The following CADPS2 variants were observed in gnomAD, a reference collection of about 807,000 sequenced individuals.
The protein encoded by CADPS2 is calcium-dependent secretion activator 2.
In CADPS2, 93 loss-of-function variants were observed where a neutral mutation model predicts 172.5. That is an observed-to-expected ratio of 0.54 (90% CI 0.46 to 0.64). CADPS2 has a LOEUF of 0.64. Among genes scored for constraint, CADPS2 ranks in the 30% least tolerant of loss-of-function variants. The pLI is 0.00. For missense variants in CADPS2, 1,420 were observed against 1,565.9 expected (o/e 0.91, Z 1.57); for synonymous variants, 546 against 555.2 (o/e 0.98, Z 0.23).
intron 2 of CADPS2, among the ~76,000 whole-genome samples, chr7:122,697,319 A>C (rs190013191): frequency 6.6e-6 from 1 of 152,262 alleles, no homozygotes; most frequent in Non-Finnish European, 1.5e-5. Context: ...CAATAACCTC[A>C]CAACTAAGAC....
chr7:122,755,601 C>A (rs182176328), intron 1 of CADPS2, among the ~76,000 whole-genome samples: 24 of 151,752 alleles, frequency 1.6e-4, no homozygotes, highest in Admixed American at 1.2e-3. Flanking sequence ...AAAATGAATC[C>A]CCAGATGTTA....
chr7:122,494,397 C>T (rs2058568453), intron 9 of CADPS2, among the ~76,000 whole-genome samples: 1 of 152,042 alleles, frequency 6.6e-6, no homozygotes, highest in Non-Finnish European at 1.5e-5. Context: ...TATATTATGG[C>T]ATGACTATAT....
intron 3 of CADPS2, among the ~76,000 whole-genome samples, chr7:122,657,880 C>G (rs983334631): frequency 9.2e-5 from 14 of 152,140 alleles, no homozygotes; most frequent in Non-Finnish European, 1.5e-4. Flanking sequence ...GCATCCCTGT[C>G]TTGTGCCAGT....
intron 28 of CADPS2, among the ~76,000 whole-genome samples, chr7:122,335,183 T>C (rs1447116036): frequency 1.3e-5 from 2 of 152,244 alleles, no homozygotes; most frequent in Non-Finnish European, 2.9e-5. Flanking sequence ...ATGGATATTC[T>C]ACATGAATAA....
intron 1 of CADPS2, among the ~76,000 whole-genome samples, chr7:122,884,602 T>C (rs1360324665): frequency 6.6e-6 from 1 of 151,478 alleles, no homozygotes; most frequent in African/African-American, 2.5e-5. Flanking sequence ...AAATATTCCA[T>C]AAGGATTCCC....
intron 9 of CADPS2, among the ~76,000 whole-genome samples, chr7:122,498,050 C>T (rs1008467375): frequency 5.9e-5 from 9 of 152,112 alleles, no homozygotes; most frequent in Admixed American, 5.9e-4. Context: ...CCTCCTCAAG[C>T]CATTCTTGTG....
chr7:122,869,760 C>A (rs1479333237), intron 1 of CADPS2, among the ~76,000 whole-genome samples: 1 of 151,996 alleles, frequency 6.6e-6, no homozygotes, highest in Non-Finnish European at 1.5e-5. Context: ...AAAGCTAGAG[C>A]TTTAATAATT....
intron 1 of CADPS2, among the ~76,000 whole-genome samples, chr7:122,829,929 TAAG>T (rs1806016417): frequency 1.3e-5 from 2 of 152,026 alleles, no homozygotes; most frequent in African/African-American, 2.4e-5. Context: ...TGATGTCCAG[TAAG>T]AAGAGCAAGA....
Position 122,699,038 on chromosome 7 carries a change from G to A in CADPS2, c.454-35469C>T, listed in dbSNP as rs1162037402. 5 of 682,614 alleles carry A rather than the reference G, an allele frequency of 7.3e-6. No individual in the cohort carries two copies. The Admixed American group carries it at 1.7e-4, about 24-fold the overall frequency. 42.3% of individuals were successfully genotyped at this position (682,614 alleles called of 1,614,324 possible). ...TACAAACAAGATCCACTGTCTTCCAGCATGTTTTTGTAAGAAATTCTTAAA... is the reference window on the plus strand; with the variant it reads ...TACAAACAAGATCCACTGTCTTCCAACATGTTTTTGTAAGAAATTCTTAAA... On this transcript the variant is annotated intron_variant, in intron 2 of 29. Transcript: ENST00000449022.
At chr7:122,339,866 C>CA (rs1354982542) in intron 28 of CADPS2, among the ~76,000 whole-genome samples, 1 of 152,140 alleles carries the variant, frequency 6.6e-6, no homozygotes, top group African/African-American at 2.4e-5. Context: ...GCCTTGGTGA[C>CA]AAGAGTGAAA....
chr7:122,774,609 T>C (rs1391525030), intron 1 of CADPS2, among the ~76,000 whole-genome samples: 2 of 152,174 alleles, frequency 1.3e-5, no homozygotes, highest in Non-Finnish European at 2.9e-5. Context: ...GTACATTTCT[T>C]ATCAATTCTG....
chr7:122,575,284 C>T (rs2067867584), intron 7 of CADPS2, among the ~76,000 whole-genome samples: 1 of 151,772 alleles, frequency 6.6e-6, no homozygotes. Flanking sequence ...GGGGAGAATA[C>T]CAGCTTTTAT....
At chr7:122,786,539 G>C (rs1165299402) in intron 1 of CADPS2, among the ~76,000 whole-genome samples, 3 of 152,130 alleles carry the variant, frequency 2.0e-5, no homozygotes, top group Non-Finnish European at 4.4e-5. Context: ...GAAGAACTTT[G>C]ATATTATAAA....
At chr7:122,865,284 G>C (rs932989709) in intron 1 of CADPS2, among the ~76,000 whole-genome samples, 7 of 152,102 alleles carry the variant, frequency 4.6e-5, no homozygotes, top group Non-Finnish European at 1.0e-4. Flanking sequence ...CTTCTTGTAT[G>C]GTCTGCAGAA....
At chr7:122,607,349 T>C (rs950732958) in intron 6 of CADPS2, among the ~76,000 whole-genome samples, 1 of 152,016 alleles carries the variant, frequency 6.6e-6, no homozygotes, top group Non-Finnish European at 1.5e-5. Flanking sequence ...GAGAGAGAGA[T>C]CCTAGAGTAC....
intron 27 of CADPS2, among the ~76,000 whole-genome samples, chr7:122,353,380 A>C (rs1302813535): frequency 6.6e-6 from 1 of 152,178 alleles, no homozygotes; most frequent in Non-Finnish European, 1.5e-5. Flanking sequence ...GAGAAAGATT[A>C]GCCATCTCCT....
chr7:122,468,033 ACACT>A (rs1373295320), intron 14 of CADPS2, among the ~76,000 whole-genome samples: 1 of 152,114 alleles, frequency 6.6e-6, no homozygotes, highest in South Asian at 2.1e-4. Context: ...TATTTCTGAA[ACACT>A]CAGAGTGCTA....
In CADPS2 at chr7:122,547,360, T is replaced by G. The variant is rs994232857; in HGVS notation, c.1475+7190A>C. 2.0e-5 allele frequency among the ~76,000 whole-genome samples: 3 copies of G among 152,186 alleles called. 1 individual carries two copies. Among genetic ancestry groups the G allele is most frequent in the Non-Finnish European group, 2.9e-5 (2 of 68,024 alleles). On this transcript the variant is annotated intron_variant, in intron 8 of 29. Coordinates refer to ENST00000449022, the MANE Select transcript of CADPS2 (RefSeq NM_017954.11). ...TTTAAATTTGTGAAAAAAGGAGACT[T>G]CCTGTAATTCTTCTGGGGCAATAAT...
intron 1 of CADPS2, among the ~76,000 whole-genome samples, chr7:122,882,986 T>C (rs548465639): frequency 1.3e-5 from 2 of 152,264 alleles, no homozygotes; most frequent in Admixed American, 6.5e-5. Context: ...CCCCCAGAAT[T>C]TTCTGTAAAA....
Sources: allele counts gnomAD v4.1 joint callset (sites outside exome capture counted in the v4.1 genomes callset), GRCh38; gene constraint gnomAD v4.1.1; transcripts MANE v1.5; gene names NCBI Gene and HGNC (gene_info 2026-07-23, HGNC 2026-07-21).